Variants in L3MBTL2 observed in about 807,000 individuals in gnomAD.
L3MBTL2 encodes lethal(3)malignant brain tumor-like protein 2.
In L3MBTL2, 49 loss-of-function variants were observed where a neutral mutation model predicts 86.4. That is an observed-to-expected ratio of 0.57 (90% CI 0.45 to 0.72). L3MBTL2 has a LOEUF of 0.72. Among genes scored for constraint, L3MBTL2 ranks in the 30% least tolerant of loss-of-function variants. The probability of loss-of-function intolerance (pLI) is 0.00; values close to 1 mark genes in which losing one functional copy is unlikely to be tolerated. For missense variants in L3MBTL2, 755 were observed against 923.7 expected (o/e 0.82, Z 2.37); for synonymous variants, 336 against 350.6 (o/e 0.96, Z 0.47).
chr22:41,224,939 G>A lies in L3MBTL2; in HGVS notation c.1252-28G>A. On this transcript the variant is annotated intron_variant, in intron 10 of 16. Coordinates refer to ENST00000216237, the MANE Select transcript of L3MBTL2 (RefSeq NM_031488.5). This position sits in a 1 kb window ranked among gnomAD's most constrained non-coding sequence, Gnocchi z 4.9. ...CACCCTTCCTCCTGGCCTGCCCAGG[G>A]AGTCCCCAGCTGTCCCATTCCTTTA... The A allele has an allele frequency of 6.2e-7, 1 of 1,602,338 alleles. No individual in the cohort carries two copies. Among genetic ancestry groups the A allele is most frequent in the Non-Finnish European group, 8.5e-7 (1 of 1,170,298 alleles).
chr22:41,229,440 T>C, intron 15 of L3MBTL2, 100 bp from the exon 16 acceptor site: 3 of 1,378,122 alleles, frequency 2.2e-6, no homozygotes, highest in Non-Finnish European at 2.9e-6. Flanking sequence ...CTGGCACTTT[T>C]CCCTCTGCCA....
chr22:41,227,399 C>T lies in L3MBTL2; in HGVS notation c.1822+76C>T. On this transcript the variant is annotated intron_variant, in intron 14 of 16. Transcript: ENST00000216237. The surrounding 1 kb of genome is among the most constrained non-coding windows in gnomAD (Gnocchi z 6.0). ...TTTCCTTCTTCCCCCGCCCCTGTGC[C>T]CATCTCCGTTCTTTGGCATGAGGTG... 1 of 1,402,946 alleles carries T rather than the reference C, an allele frequency of 7.1e-7. No homozygotes were observed. The highest frequency in any genetic ancestry group is 9.9e-7 in the Non-Finnish European group (1 of 1,014,446). The allele number at this position is 1,402,946 out of a possible 1,614,324, so 86.9% of individuals were successfully genotyped here.
At chr22:41,222,008 T>G (rs552262497) in intron 8 of L3MBTL2, among the ~76,000 whole-genome samples, 39 of 152,002 alleles carry the variant, frequency 2.6e-4, no homozygotes, top group South Asian at 6.2e-4. Flanking sequence ...AAGCAATTCT[T>G]CTGCCTCAGC....
chr22:41,221,391 TG>T, intron 8 of L3MBTL2, 104 bp downstream of exon 8: 5 of 951,454 alleles, frequency 5.3e-6, no homozygotes, highest in Non-Finnish European at 3.3e-6. Context: ...CCTTGCCTGA[TG>T]ATCTTCAGCA....
At chr22:41,209,990 G>A (rs950235892) in intron 2 of L3MBTL2, 57 bp downstream of exon 2, 11 of 1,587,658 alleles carry the variant, frequency 6.9e-6, no homozygotes, top group African/African-American at 4.0e-5. Context: ...TAGAGGAAGA[G>A]GGGGGTGGAT....
At chr22:41,226,799 C>A in intron 13 of L3MBTL2, 55 bp downstream of exon 13, 1 of 1,257,462 alleles carries the variant, frequency 8.0e-7, no homozygotes, top group Non-Finnish European at 1.2e-6. Flanking sequence ...ACAGGCCCTG[C>A]CTGCTGCTGT....
chr22:41,227,928 C>A lies in L3MBTL2; in HGVS notation c.1888+59C>A. 1 of 1,592,384 alleles carries A rather than the reference C, an allele frequency of 6.3e-7. No homozygotes were observed. Among genetic ancestry groups the A allele is most frequent in the South Asian group, 1.1e-5 (1 of 88,818 alleles). On this transcript the variant is annotated intron_variant, in intron 15 of 16. Transcript: ENST00000216237. The surrounding 1 kb of genome is among the most constrained non-coding windows in gnomAD (Gnocchi z 6.0). ...GGGCCTGGGAGCAGTGGGCCTGCGTCCCTGGGAGCAGGCGGGGGTCAGCCC... is the reference window on the plus strand; with the variant it reads ...GGGCCTGGGAGCAGTGGGCCTGCGTACCTGGGAGCAGGCGGGGGTCAGCCC...
chr22:41,221,369 T>C, intron 8 of L3MBTL2, 82 bp downstream of exon 8: 1 of 1,171,568 alleles, frequency 8.5e-7, no homozygotes, highest in East Asian at 2.6e-5. Context: ...CTGGAGCATG[T>C]TACCTAAGAC....
chr22:41,216,917 T>C, intron 4 of L3MBTL2: 1 of 512,996 alleles, frequency 1.9e-6, no homozygotes, highest in Non-Finnish European at 3.5e-6. Context: ...CTTGCCACCT[T>C]TCAATTCAGT....
At chr22:41,207,516 G>A (rs567492076) in intron 1 of L3MBTL2, among the ~76,000 whole-genome samples, 16 of 151,622 alleles carry the variant, frequency 1.1e-4, no homozygotes, top group African/African-American at 3.9e-4. Flanking sequence ...AGCCACCATG[G>A]CCAGCCCCCA....
chr22:41,228,070 G>T (rs1416086166), intron 15 of L3MBTL2: 4 of 985,436 alleles, frequency 4.1e-6, no homozygotes, highest in East Asian at 1.1e-4. Context: ...TGGGGACCCA[G>T]ACCATAAATA....
chr22:41,205,341 C>T lies in L3MBTL2; in HGVS notation c.-22C>T, dbSNP rs370338730. On this transcript the variant is annotated 5_prime_UTR_variant, in exon 1 of 17. In the 5' UTR this introduces an upstream ATG that the reference lacks. Transcript: ENST00000216237. ...CAATATGGCTTCCTGCACCTGGTGACGCTTGGCGAAACTGAGGTCTCATGG... is the reference window on the plus strand; with the variant it reads ...CAATATGGCTTCCTGCACCTGGTGATGCTTGGCGAAACTGAGGTCTCATGG... 1.3e-5 allele frequency: 21 copies of T among 1,614,104 alleles called. No individual in the cohort carries two copies. Among genetic ancestry groups the T allele is most frequent in the Middle Eastern group, 1.6e-4 (1 of 6,062 alleles).
intron 15 of L3MBTL2, 41 bp from the exon 16 acceptor site, chr22:41,229,499 T>C (rs2032427396): frequency 6.3e-7 from 1 of 1,591,030 alleles, no homozygotes; most frequent in African/African-American, 1.3e-5. Flanking sequence ...CTTACCTAAA[T>C]ACAACCCTAA....
intron 2 of L3MBTL2, among the ~76,000 whole-genome samples, chr22:41,212,555 G>A (rs767297334): frequency 1.3e-5 from 2 of 151,738 alleles, no homozygotes; most frequent in Non-Finnish European, 2.9e-5. Context: ...CCACCACCGC[G>A]CCCGGCCATC....
intron 5 of L3MBTL2, chr22:41,217,506 C>G: frequency 3.4e-6 from 1 of 298,238 alleles, no homozygotes; most frequent in Non-Finnish European, 6.4e-6. Context: ...CCTTTCTCCC[C>G]CATTTGCAGC....
chr22:41,223,951 C>A, intron 8 of L3MBTL2, 69 bp from the exon 9 acceptor site: 1 of 1,259,244 alleles, frequency 7.9e-7, no homozygotes, highest in Non-Finnish European at 1.2e-6. Context: ...GTCCTCCACT[C>A]ACCAGAGCAG....
chr22:41,223,993 C>A, intron 8 of L3MBTL2, 27 bp from the exon 9 acceptor site: 1 of 1,581,184 alleles, frequency 6.3e-7, no homozygotes, highest in Non-Finnish European at 8.7e-7. Context: ...TGAGCCATAG[C>A]AGGCCTGTGT....
chr22:41,206,200 C>G (rs1294788712), intron 1 of L3MBTL2: 2 of 152,126 alleles, frequency 1.3e-5, no homozygotes, highest in African/African-American at 4.8e-5. Flanking sequence ...TCGGATTGGT[C>G]TCGAACTCCT....
rs1041300183 is a variant in L3MBTL2 at position 41,229,551 on chromosome 22, C to T, written c.1900C>T (p.Pro634Ser). The change falls in exon 16 of 17, where the codon CCG becomes TCG. Residue 634 changes from proline (P) to serine (S), a missense_variant. Transcript: ENST00000216237. The part of the protein sequence containing the change: ...KQFGKKRKRI[P>S]PTKTRPLRQG... ...ATTTTTATTCAAAGGGAAAAGAATC[C>T]CGCCCACTAAGACGCGACCCCTCAG... is the stretch of plus-strand genomic sequence containing the variant. 5.6e-6 allele frequency: 9 copies of T among 1,610,564 alleles called. No individual in the cohort carries two copies. Among genetic ancestry groups the T allele is most frequent in the Non-Finnish European group, 7.6e-6 (9 of 1,177,280 alleles).
Sources: gnomAD v4.1 joint callset for allele counts (sites outside exome capture counted in the v4.1 genomes callset) on GRCh38, gnomAD v4.1.1 for gene constraint, Gnocchi (gnomAD v3.1) non-coding constraint, MANE v1.5 for transcripts, NCBI Gene and HGNC (gene_info 2026-07-23, HGNC 2026-07-21) for gene names.